Variants in ADCY7 observed in about 807,000 individuals in gnomAD.
The protein encoded by ADCY7 is adenylate cyclase 7, also known as adenylate cyclase type 7.
In ADCY7, 72 loss-of-function variants were observed where a neutral mutation model predicts 120.6. That is an observed-to-expected ratio of 0.60 (90% CI 0.49 to 0.73). The LOEUF (loss-of-function observed/expected upper bound fraction) is 0.73. Among genes scored for constraint, ADCY7 ranks in the 30% least tolerant of loss-of-function variants. The probability of loss-of-function intolerance (pLI) is 0.00; values close to 1 mark genes in which losing one functional copy is unlikely to be tolerated. For missense variants in ADCY7, 1,227 were observed against 1,486.0 expected (o/e 0.83, Z 2.87); for synonymous variants, 661 against 628.0 (o/e 1.05, Z -0.78).
chr16:50,293,428 G>A lies in ADCY7; in HGVS notation c.762G>A (p.Lys254=). The change falls in exon 6 of 26, where the codon AAG becomes AAA. Residue 254 remains lysine (K), a synonymous_variant. Coordinates refer to ENST00000673801, the MANE Select transcript of ADCY7 (RefSeq NM_001114.5). ...GMKLAIIERL[K]EHGDRRCMPD... ...AGCTGGCCATCATCGAACGGCTCAA[G>A]GAGCATGGTGACCGTCGCTGCATGC... 1 of 1,614,060 alleles carries A rather than the reference G, an allele frequency of 6.2e-7. No individual in the cohort carries two copies. Among genetic ancestry groups the A allele is most frequent in the East Asian group, 2.2e-5 (1 of 44,890 alleles).
chr16:50,283,415 G>A (rs565408904), intron 1 of ADCY7, among the ~76,000 whole-genome samples: 20 of 152,110 alleles, frequency 1.3e-4, no homozygotes, highest in Non-Finnish European at 2.6e-4. Context: ...TCAGGTCACC[G>A]ACAAAAGAGA....
upstream of ADCY7, among the ~76,000 whole-genome samples, chr16:50,265,732 G>C (rs997014004): frequency 2.6e-5 from 4 of 152,212 alleles, no homozygotes; most frequent in African/African-American, 9.6e-5. Flanking sequence ...TGAGGAGCTC[G>C]TAATCCCAGG....
intron 7 of ADCY7, among the ~76,000 whole-genome samples, chr16:50,295,619 G>A (rs1476296005): frequency 6.6e-6 from 1 of 152,088 alleles, no homozygotes; most frequent in Non-Finnish European, 1.5e-5. Flanking sequence ...TGGGGTGAAC[G>A]TGCTCAGTGT....
Position 50,293,141 on chromosome 16 carries a change from C to T in ADCY7, c.688-213C>T, listed in dbSNP as rs534702607. On this transcript the variant is annotated intron_variant, in intron 5 of 25. Transcript: ENST00000673801. Reference sequence around the variant, plus strand: ...GCCCTTTCTCAGTCACCCTGAGTCCCGGGGGCTGCTGGGTACATGGGAGGT... The same window carrying T: ...GCCCTTTCTCAGTCACCCTGAGTCCTGGGGGCTGCTGGGTACATGGGAGGT... 2.0e-5 allele frequency among the ~76,000 whole-genome samples: 3 copies of T among 152,262 alleles called. No individual in the cohort carries two copies. In the East Asian group the frequency reaches 5.8e-4, roughly 29 times the overall value.
In ADCY7 at chr16:50,288,141, T is replaced by G. The variant is rs1567550334; in HGVS notation, c.-39T>G. On this transcript the variant is annotated 5_prime_UTR_variant, in exon 2 of 26. Coordinates refer to ENST00000673801, the MANE Select transcript of ADCY7 (RefSeq NM_001114.5). Reference sequence around the variant, plus strand: ...ATGCCCTCCAGGCCCTGGGGCCTCCTTAACGGCCCCTTAACGACACGCGTG... The same window carrying G: ...ATGCCCTCCAGGCCCTGGGGCCTCCGTAACGGCCCCTTAACGACACGCGTG... 2 of 1,515,326 alleles carry G rather than the reference T, an allele frequency of 1.3e-6. No homozygotes were observed. The allele number at this position is 1,515,326 out of a possible 1,614,324, so 93.9% of individuals were successfully genotyped here.
intron 1 of ADCY7, among the ~76,000 whole-genome samples, chr16:50,275,285 C>T (rs560214934): frequency 4.6e-5 from 7 of 152,288 alleles, no homozygotes; most frequent in Non-Finnish European, 5.9e-5. Flanking sequence ...CCTTCTTGTG[C>T]GCAGCTAGCC....
Position 50,294,745 on chromosome 16 carries a change from C to A in ADCY7, c.942C>A (p.Ile314=). ...LNELFGKFDQ[I]AKANECMRIK... ...AGCTCTTTGGCAAGTTCGACCAGAT[C>A]GCCAAGGTGAGCCCGCTGGCCTACA... The change falls in exon 7 of 26, where the codon ATC becomes ATA. Residue 314 remains isoleucine (I), a synonymous_variant. Transcript: ENST00000673801. 1 of 1,611,858 alleles carries A rather than the reference C, an allele frequency of 6.2e-7. No individual in the cohort carries two copies.
At chr16:50,255,077 G>A (rs1266972151) in intron 1 of ADCY7, among the ~76,000 whole-genome samples, 5 of 133,878 alleles carry the variant, frequency 3.7e-5, no homozygotes, top group Non-Finnish European at 6.2e-5. Flanking sequence ...CTTGAGGCCA[G>A]AAGTTTGAAG....
At chr16:50,307,297 T>C in intron 15 of ADCY7, 150 bp downstream of exon 15, 1 of 664,072 alleles carries the variant, frequency 1.5e-6, no homozygotes, top group Non-Finnish European at 2.6e-6. Flanking sequence ...GCAGCACACC[T>C]TGAGTTACCA....
At chr16:50,270,378 C>T (rs2033484303) in intron 1 of ADCY7, among the ~76,000 whole-genome samples, 1 of 152,220 alleles carries the variant, frequency 6.6e-6, no homozygotes, top group Non-Finnish European at 1.5e-5. Context: ...GGACTGTGCT[C>T]TGGTCCGGCG....
chr16:50,262,801 C>T (rs141284672), upstream of ADCY7, among the ~76,000 whole-genome samples: 1,050 of 152,234 alleles, frequency 6.9e-3, 13 homozygotes, highest in African/African-American at 0.024. Flanking sequence ...TGCTGTGTGC[C>T]CTGGCGCCTC....
At chr16:50,267,916 C>G (rs1596813955) in intron 1 of ADCY7, among the ~76,000 whole-genome samples, 1 of 152,126 alleles carries the variant, frequency 6.6e-6, no homozygotes, top group East Asian at 1.9e-4. Context: ...CGCTTCCCAC[C>G]CAGTTGTCTG....
chr16:50,286,429 CAAAAAAAA>C (rs34686094), intron 1 of ADCY7, among the ~76,000 whole-genome samples: 15 of 112,330 alleles, frequency 1.3e-4, no homozygotes, highest in African/African-American at 4.9e-4. Flanking sequence ...GACCCCATCT[CAAAAAAAA>C]AAAAAAAAAG....
intron 10 of ADCY7, among the ~76,000 whole-genome samples, chr16:50,301,447 A>C (rs576785031): frequency 3.6e-4 from 55 of 152,364 alleles, no homozygotes; most frequent in African/African-American, 1.3e-3. Flanking sequence ...CCTCACCAGA[A>C]GGAGCTAATC....
In ADCY7 at chr16:50,298,886, C is replaced by T. The variant is rs75169627; in HGVS notation, c.949-18C>T. 3,340 of 1,609,792 alleles carry T rather than the reference C, an allele frequency of 2.1e-3. 55 individuals are homozygous for T. The African/African-American group carries it at 0.038, about 18-fold the overall frequency. On this transcript the variant is annotated intron_variant, in intron 7 of 25. Transcript: ENST00000673801. Reference sequence around the variant, plus strand: ...GCCCCACATCTTCCAGTGACCAGGCCCTTCCCTCACCCTGCAGGCCAACGA... The same window carrying T: ...GCCCCACATCTTCCAGTGACCAGGCTCTTCCCTCACCCTGCAGGCCAACGA...
intron 1 of ADCY7, among the ~76,000 whole-genome samples, chr16:50,281,635 C>G (rs887514586): frequency 6.6e-6 from 1 of 152,174 alleles, no homozygotes; most frequent in Admixed American, 6.5e-5. Flanking sequence ...AGTCAGGGGC[C>G]GGGATATTGG....
chr16:50,259,633 C>T (rs534483354), intron 1 of ADCY7, among the ~76,000 whole-genome samples: 8 of 152,214 alleles, frequency 5.3e-5, no homozygotes, highest in Admixed American at 1.3e-4. Context: ...TACATGAAGT[C>T]GGGCTGTTCA....
At chr16:50,257,614 C>T (rs115336915) in intron 1 of ADCY7, among the ~76,000 whole-genome samples, 2,467 of 151,942 alleles carry the variant, frequency 0.016, 74 homozygotes, top group African/African-American at 0.057. Flanking sequence ...AAAAAACAAA[C>T]ATTTTACCAC....
rs145252925 is a variant in ADCY7, at chr16:50,290,783, C to T, written c.375+123C>T. ...GCTGTGTGTCTAGGATGGCCCCAGG[C>T]TGGTTTTGTCCCTGTGAGTTCTCTG... On this transcript the variant is annotated intron_variant, in intron 3 of 25. Transcript: ENST00000673801. 4.9e-4 allele frequency: 534 copies of T among 1,096,856 alleles called. 3 individuals carry two copies. In the African/African-American group the frequency reaches 7.5e-3, roughly 15 times the overall value. 67.9% of individuals were successfully genotyped at this position (1,096,856 alleles called of 1,614,324 possible). A position where few individuals can be genotyped will look rare whatever the true frequency, so the allele number is the denominator to read the frequency against.
Sources: allele counts gnomAD v4.1 joint callset (sites outside exome capture counted in the v4.1 genomes callset), GRCh38; gene constraint gnomAD v4.1.1; transcripts MANE v1.5; gene names NCBI Gene and HGNC (gene_info 2026-07-23, HGNC 2026-07-21).